The following LARGE1 variants were observed in gnomAD, a reference collection of about 807,000 sequenced individuals.
LARGE1 encodes LARGE xylosyl- and glucuronyltransferase 1.
A neutral mutation model predicts 87.6 loss-of-function variants in LARGE1; 43 were observed. That is an observed-to-expected ratio of 0.49 (90% CI 0.38 to 0.63). The LOEUF is 0.63. Ranked by LOEUF, LARGE1 falls within the 30% of genes least tolerant of loss-of-function variation. The probability of loss-of-function intolerance (pLI) is 0.00; values close to 1 mark genes in which losing one functional copy is unlikely to be tolerated. For synonymous variants in LARGE1, 434 were observed against 394.6 expected (o/e 1.10, Z -1.18); for missense variants, 802 against 1,000.2 (o/e 0.80, Z 2.67).
chr22:33,473,166 CTCTT>C (rs2068920501), intron 6 of LARGE1, among the ~76,000 whole-genome samples: 1 of 151,544 alleles, frequency 6.6e-6, no homozygotes, highest in South Asian at 2.1e-4. Context: ...TTTCATATCT[CTCTT>C]TTTTTTTTTT....
intron 7 of LARGE1, among the ~76,000 whole-genome samples, chr22:33,410,829 C>T (rs2147439451): frequency 6.6e-6 from 1 of 152,248 alleles, no homozygotes; most frequent in Non-Finnish European, 1.5e-5. Flanking sequence ...CCTTGCTGAG[C>T]CTCCATCAGC....
intron 5 of LARGE1, among the ~76,000 whole-genome samples, chr22:33,587,199 G>A (rs2078702305): frequency 6.6e-6 from 1 of 152,134 alleles, no homozygotes; most frequent in Non-Finnish European, 1.5e-5. Context: ...CATGAATGTT[G>A]GGATTTAGGT....
chr22:33,259,345 CACAAACACACACATGCACGG>C (rs1927498817), intron 11 of LARGE1, among the ~76,000 whole-genome samples: 1 of 127,930 alleles, frequency 7.8e-6, no homozygotes, highest in South Asian at 2.8e-4. Flanking sequence ...CACACACACA[CACAAACACACACATGCACGG>C]ACACACACAC....
At chr22:33,132,513 AAAAGTCATTATT>A in the LARGE1 span, among the ~76,000 whole-genome samples, 4 of 151,200 alleles carry the variant, frequency 2.6e-5, no homozygotes, top group African/African-American at 9.7e-5. Context: ...ATGTTGAATT[AAAAGTCATTATT>A]AGTATTTTTG....
chr22:33,355,006 GA>G (rs1279116885), intron 9 of LARGE1, among the ~76,000 whole-genome samples: 6 of 152,142 alleles, frequency 3.9e-5, no homozygotes, highest in Non-Finnish European at 5.9e-5. Context: ...ATAATAAAAT[GA>G]AACTTTTCTG....
At chr22:33,779,506 G>A (rs1253474976) in intron 1 of LARGE1, among the ~76,000 whole-genome samples, 2 of 152,196 alleles carry the variant, frequency 1.3e-5, no homozygotes, top group African/African-American at 2.4e-5. Context: ...AAGGCCAGGC[G>A]TGGTAGCTCA....
At chr22:33,260,899 T>C (rs1927590198) in intron 11 of LARGE1, among the ~76,000 whole-genome samples, 1 of 152,168 alleles carries the variant, frequency 6.6e-6, no homozygotes, top group South Asian at 2.1e-4. Flanking sequence ...TGCTCTCTCT[T>C]GCTGATGGCT....
chr22:33,722,721 G>A (rs1164902888), intron 2 of LARGE1, among the ~76,000 whole-genome samples: 1 of 152,152 alleles, frequency 6.6e-6, no homozygotes, highest in Non-Finnish European at 1.5e-5. Context: ...TGATAAGACA[G>A]AATGGAAGAA....
rs367702881 is a variant in LARGE1 at position 33,623,088 on chromosome 22, G to A, written c.491+3156C>T. ...AACTTTGCCATAATTGAGAAATAGC[G>A]TAATTGAATACCTGTACATCATGCA... is the stretch of plus-strand genomic sequence containing the variant. On this transcript the variant is annotated intron_variant, in intron 4 of 14. Coordinates refer to ENST00000397394, the MANE Select transcript of LARGE1 (RefSeq NM_133642.5). Among the ~76,000 whole-genome samples, 17 of 150,402 alleles carry A rather than the reference G, an allele frequency of 1.1e-4. No individual in the cohort carries two copies. In the East Asian group the frequency reaches 1.8e-3, roughly 16 times the overall value.
chr22:33,703,347 C>A (rs1430701642), intron 2 of LARGE1, among the ~76,000 whole-genome samples: 1 of 144,794 alleles, frequency 6.9e-6, no homozygotes, highest in Non-Finnish European at 1.5e-5. Context: ...TATCCCAGAG[C>A]CTAAAGTGAA....
At chr22:33,853,035 T>C (rs551369005) in intron 1 of LARGE1, among the ~76,000 whole-genome samples, 49 of 152,070 alleles carry the variant, frequency 3.2e-4, no homozygotes, top group African/African-American at 1.7e-4. Context: ...TGAGAAAGTC[T>C]TGATGGAAAT....
At chr22:33,631,050 T>C (rs1296019160) in intron 3 of LARGE1, among the ~76,000 whole-genome samples, 1 of 152,112 alleles carries the variant, frequency 6.6e-6, no homozygotes, top group African/African-American at 2.4e-5. Flanking sequence ...AGACGGGGTT[T>C]CACCGTGTTA....
chr22:33,135,468 G>A, the LARGE1 span, among the ~76,000 whole-genome samples: 1 of 152,154 alleles, frequency 6.6e-6, no homozygotes, highest in African/African-American at 2.4e-5. Context: ...ATTGAAGTTA[G>A]GGGAAAATAA....
At chr22:33,818,525 T>C (rs1241357140) in intron 1 of LARGE1, among the ~76,000 whole-genome samples, 1 of 152,168 alleles carries the variant, frequency 6.6e-6, no homozygotes, top group Non-Finnish European at 1.5e-5. Context: ...GAAGGGGGAC[T>C]GTGGCCCTGA....
intron 3 of LARGE1, among the ~76,000 whole-genome samples, chr22:33,638,470 A>G (rs2080334373): frequency 6.6e-6 from 1 of 152,176 alleles, no homozygotes; most frequent in African/African-American, 2.4e-5. Context: ...ATCCCCATAT[A>G]ATGACTGGTA....
At chr22:33,606,332 G>T (rs2079259850) in intron 4 of LARGE1, among the ~76,000 whole-genome samples, 1 of 151,972 alleles carries the variant, frequency 6.6e-6, no homozygotes, top group African/African-American at 2.4e-5. Context: ...TTGAATCTGG[G>T]TGGTGGAGGT....
intron 1 of LARGE1, among the ~76,000 whole-genome samples, chr22:33,910,430 C>G (rs147003863): frequency 2.7e-3 from 414 of 152,318 alleles, no homozygotes; most frequent in African/African-American, 9.4e-3. Context: ...TCCTCCTACC[C>G]TATCCTCCCA....
At chr22:33,382,085 T>A (rs749432708) in intron 8 of LARGE1, 41 bp from the exon 9 acceptor site, 3 of 1,612,730 alleles carry the variant, frequency 1.9e-6, no homozygotes, top group Non-Finnish European at 2.5e-6. Flanking sequence ...GACAGTCGGA[T>A]GGTCCAGCTG....
chr22:33,329,175 T>C (rs1035768040), intron 10 of LARGE1, among the ~76,000 whole-genome samples: 29 of 152,064 alleles, frequency 1.9e-4, no homozygotes, highest in African/African-American at 5.1e-4. Context: ...CAGAGTGCTG[T>C]TTTGAGGAGG....
Sources: allele counts gnomAD v4.1 joint callset (sites outside exome capture counted in the v4.1 genomes callset), GRCh38; gene constraint gnomAD v4.1.1; transcripts MANE v1.5; gene names NCBI Gene and HGNC (gene_info 2026-07-23, HGNC 2026-07-21).